Variants in ZFP90 observed in about 807,000 individuals in gnomAD.
The protein encoded by ZFP90 is zinc finger protein 90 homolog.
Under a neutral mutation model 60.8 loss-of-function variants are expected in ZFP90, and 38 were observed. That is an observed-to-expected ratio of 0.62 (90% CI 0.48 to 0.82). The LOEUF is 0.82. Ranked by LOEUF, ZFP90 falls within the 40% of genes least tolerant of loss-of-function variation. The pLI is 0.00. For synonymous variants in ZFP90, 287 were observed against 264.8 expected (o/e 1.08, Z -0.82); for missense variants, 711 against 759.1 (o/e 0.94, Z 0.74).
At chr16:68,551,655 C>T (rs1226554238) in intron 2 of ZFP90, among the ~76,000 whole-genome samples, 2 of 152,142 alleles carry the variant, frequency 1.3e-5, no homozygotes, top group Non-Finnish European at 2.9e-5. Context: ...AGGTGATCCA[C>T]CCGCCTTGGC....
chr16:68,549,983 G>A (rs186366299), intron 2 of ZFP90, among the ~76,000 whole-genome samples: 31 of 152,288 alleles, frequency 2.0e-4, no homozygotes, highest in Admixed American at 3.9e-4. Flanking sequence ...TATGACAGGA[G>A]GCAGCATTTG....
chr16:68,546,552 T>G (rs2091153672), intron 2 of ZFP90, among the ~76,000 whole-genome samples: 1 of 152,240 alleles, frequency 6.6e-6, no homozygotes, highest in South Asian at 2.1e-4. Context: ...ATTCTTGCTC[T>G]GTCACCCAGG....
rs562482314 is a variant in ZFP90, at chr16:68,549,183, G to A, written c.34-8815G>A. Among the ~76,000 whole-genome samples, 33 of 152,268 alleles carry A rather than the reference G, an allele frequency of 2.2e-4. No individual in the cohort carries two copies. In the East Asian group the frequency reaches 2.7e-3, roughly 12 times the overall value. Reference sequence around the variant, plus strand: ...GTGAGGAAATGTGGTGAGAGTGCACGTAAATGACTGAGTTTAGTGTTTGCC... The same window carrying A: ...GTGAGGAAATGTGGTGAGAGTGCACATAAATGACTGAGTTTAGTGTTTGCC... On this transcript the variant is annotated intron_variant, in intron 2 of 4. Coordinates refer to ENST00000563169, the MANE Select transcript of ZFP90 (RefSeq NM_001305203.2).
chr16:68,557,274 A>G, intron 2 of ZFP90: 1 of 456,004 alleles, frequency 2.2e-6, no homozygotes, highest in Non-Finnish European at 4.4e-6. Flanking sequence ...TTGACCTCTC[A>G]AAGTGTTAGG....
chr16:68,549,823 A>G (rs2091227227), intron 2 of ZFP90, among the ~76,000 whole-genome samples: 1 of 152,158 alleles, frequency 6.6e-6, no homozygotes, highest in Non-Finnish European at 1.5e-5. Flanking sequence ...GGAACAGTGA[A>G]CTGGTTCTAC....
chr16:68,558,067 C>G lies in ZFP90; in HGVS notation c.103C>G (p.Gln35Glu). The G allele has an allele frequency of 6.2e-7, 1 of 1,613,880 alleles. No individual in the cohort carries two copies. The highest frequency in any genetic ancestry group is 1.1e-5 in the South Asian group (1 of 91,062). The change falls in exon 3 of 5, where the codon CAG (glutamine) becomes GAG (glutamate). Residue 35 changes from glutamine (Q) to glutamate (E), a missense_variant. Physicochemically the swap from Gln to Glu is conservative, Grantham distance 29. Around this residue, in one of 5 missense-constraint regions of ZFP90, gnomAD observed 241 missense variants for 247.6 expected, o/e 0.97. Coordinates refer to ENST00000563169, the MANE Select transcript of ZFP90 (RefSeq NM_001305203.2). ...QEEWYHVDPA[Q>E]RSLYRDVMLE... Reference sequence around the variant, plus strand: ...AGAATGGTACCATGTCGACCCTGCTCAGAGGAGCTTATACAGGGATGTGAT... The same window carrying G: ...AGAATGGTACCATGTCGACCCTGCTGAGAGGAGCTTATACAGGGATGTGAT...
In ZFP90 at chr16:68,563,906, A is replaced by G; in HGVS notation, c.1119A>G (p.Lys373=). Residue 373 remains lysine (K), a synonymous_variant, in exon 5 of 5, where the codon AAA becomes AAG. Transcript: ENST00000563169. ...EKPFQCKECG[K]AFSRCSSLVQ... ...CCTTCCAGTGTAAGGAATGTGGGAA[A>G]GCCTTTAGTCGATGTTCTTCCCTTG... The G allele has an allele frequency of 4.3e-6, 7 of 1,614,208 alleles. No homozygotes were observed. The highest frequency in any genetic ancestry group is 1.3e-5 in the African/African-American group (1 of 75,054).
rs181286936 is a variant in ZFP90 at position 68,559,452 on chromosome 16, T to C, written c.256+884T>C. Among the ~76,000 whole-genome samples the C allele has an allele frequency of 2.0e-4, 30 of 152,266 alleles. 1 individual carries two copies. The highest frequency in any genetic ancestry group is 1.6e-3 in the Admixed American group (24 of 15,294). ...TGCTCAGGCTGGATACCCTAATTAG[T>C]TTAGTCTTTTATTTCAACCCAGGTT... On this transcript the variant is annotated intron_variant, in intron 4 of 4. Transcript: ENST00000563169.
chr16:68,553,511 G>C (rs1313437019), intron 2 of ZFP90, among the ~76,000 whole-genome samples: 1 of 152,202 alleles, frequency 6.6e-6, no homozygotes, highest in East Asian at 1.9e-4. Context: ...CTGGCACCCA[G>C]ATTGTGAAGT....
In ZFP90 at chr16:68,539,801, G is replaced by T; in HGVS notation, c.9G>T (p.Pro3=). The T allele has an allele frequency of 6.2e-7, 1 of 1,603,480 alleles. No homozygotes were observed. Among genetic ancestry groups the T allele is most frequent in the South Asian group, 1.1e-5 (1 of 89,534 alleles). Reference sequence around the variant, plus strand: ...GCCCTGGCGAGGCAGGAATGGCCCCGAGGCCTCCGACCGCCGCGCCCCAGG... The same window carrying T: ...GCCCTGGCGAGGCAGGAATGGCCCCTAGGCCTCCGACCGCCGCGCCCCAGG... MA[P]RPPTAAPQES... Residue 3 remains proline (P), a synonymous_variant, in exon 2 of 5, where the codon CCG becomes CCT. Transcript: ENST00000563169.
chr16:68,542,949 T>A (rs1198044159), intron 2 of ZFP90, among the ~76,000 whole-genome samples: 2 of 151,930 alleles, frequency 1.3e-5, no homozygotes, highest in Non-Finnish European at 2.9e-5. Flanking sequence ...ATTCAGTAAA[T>A]AAATAAATTG....
chr16:68,556,145 G>C (rs1027250777), intron 2 of ZFP90, among the ~76,000 whole-genome samples: 1 of 152,146 alleles, frequency 6.6e-6, no homozygotes, highest in Non-Finnish European at 1.5e-5. Context: ...ACTCCAAGCT[G>C]GGTGAGAGAG....
chr16:68,551,405 A>G (rs1405124300), intron 2 of ZFP90, among the ~76,000 whole-genome samples: 1 of 142,562 alleles, frequency 7.0e-6, no homozygotes, highest in Non-Finnish European at 1.5e-5. Flanking sequence ...AGGAAAGGGA[A>G]CATGTGATCC....
chr16:68,539,574 G>T (rs199626688), intron 1 of ZFP90, 95 bp downstream of exon 1: 8,936 of 545,514 alleles, frequency 0.016, 113 homozygotes, highest in Middle Eastern at 0.024. Context: ...TGGCCGGAGG[G>T]GGGTGTCCGG....
At chr16:68,538,758 C>T (rs891155727), upstream of ZFP90, among the ~76,000 whole-genome samples, 1 of 151,962 alleles carries the variant, frequency 6.6e-6, no homozygotes, top group Non-Finnish European at 1.5e-5. Context: ...AAACAAAATC[C>T]TGCGTAAGGG....
chr16:68,569,433 C>T (rs1597758974), downstream of ZFP90, among the ~76,000 whole-genome samples: 2 of 152,328 alleles, frequency 1.3e-5, no homozygotes, highest in Admixed American at 1.3e-4. Context: ...GTGCGCCCAG[C>T]TGATTAGTCC....
chr16:68,574,295 A>T (rs1237568834), intron 2 of ZFP90: 3 of 150,946 alleles, frequency 2.0e-5, no homozygotes, highest in Non-Finnish European at 4.4e-5. Flanking sequence ...AAACAAGGTC[A>T]TAAAGAACAG....
chr16:68,548,493 T>C (rs1231953636), intron 2 of ZFP90, among the ~76,000 whole-genome samples: 1 of 139,404 alleles, frequency 7.2e-6, no homozygotes, highest in East Asian at 2.1e-4. Context: ...TTTTTTTTTT[T>C]TTTTTTTTTT....
At position 68,564,539 on chromosome 16, in the gene ZFP90, T is replaced by A. The variant is rs762615717; in HGVS notation, c.1752T>A (p.Asn584Lys). The change falls in exon 5 of 5, where the codon AAT becomes AAA. Residue 584 changes from asparagine (N) to lysine (K), a missense_variant. Physicochemically the swap from Asn to Lys is moderately conservative, Grantham distance 94. This residue lies in a region of ZFP90 where 295 missense variants were observed against 274.0 expected (regional missense o/e 1.08). Transcript: ENST00000563169. ...THTGEKPYEC[N>K]ECGRAFRKKT... ...CTGGAGAGAAGCCCTATGAATGTAA[T>A]GAATGTGGGAGAGCCTTCCGAAAAA... is the stretch of plus-strand genomic sequence containing the variant. 1 of 1,614,008 alleles carries A rather than the reference T, an allele frequency of 6.2e-7. No homozygotes were observed. Among genetic ancestry groups the A allele is most frequent in the South Asian group, 1.1e-5 (1 of 91,052 alleles).
Sources: allele counts gnomAD v4.1 joint callset (sites outside exome capture counted in the v4.1 genomes callset), GRCh38; gene constraint gnomAD v4.1.1; regional missense constraint gnomAD v4.1.1; transcripts MANE v1.5; gene names NCBI Gene and HGNC (gene_info 2026-07-23, HGNC 2026-07-21).